Variants in MPDZ observed in about 807,000 individuals in gnomAD.
The protein encoded by MPDZ is multiple PDZ domain crumbs cell polarity complex component.
MPDZ carries 234 observed loss-of-function variants against 239.1 expected under a neutral mutation model. That is an observed-to-expected ratio of 0.98 (90% CI 0.88 to 1.09). MPDZ has a LOEUF of 1.09. Ranked by LOEUF, MPDZ falls within the 50% of genes least tolerant of loss-of-function variation. The probability of loss-of-function intolerance (pLI) is 0.00; values close to 1 mark genes in which losing one functional copy is unlikely to be tolerated. For missense variants in MPDZ, 3,175 were observed against 2,510.0 expected (o/e 1.26, Z -5.66); for synonymous variants, 1,048 against 881.3 (o/e 1.19, Z -3.35).
At chr9:13,255,238 T>C (rs1290786126) in intron 1 of MPDZ, among the ~76,000 whole-genome samples, 1 of 152,192 alleles carries the variant, frequency 6.6e-6, no homozygotes, top group Non-Finnish European at 1.5e-5. Flanking sequence ...TCAGACTCCA[T>C]TTGAAATTCT....
At chr9:13,265,433 G>GT (rs2138972863) in intron 1 of MPDZ, among the ~76,000 whole-genome samples, 1 of 152,316 alleles carries the variant, frequency 6.6e-6, no homozygotes, top group Non-Finnish European at 1.5e-5. Flanking sequence ...GCCAGGTGTG[G>GT]TGGCGCATGC....
intron 2 of MPDZ, among the ~76,000 whole-genome samples, chr9:13,250,008 A>G (rs759621719): frequency 6.6e-6 from 1 of 152,214 alleles, no homozygotes; most frequent in Non-Finnish European, 1.5e-5. Flanking sequence ...AACCAGAATT[A>G]GGCTCATAAA....
intron 10 of MPDZ, among the ~76,000 whole-genome samples, chr9:13,207,124 A>G (rs975340784): frequency 6.6e-5 from 10 of 152,292 alleles, no homozygotes; most frequent in African/African-American, 1.9e-4. Flanking sequence ...ACAAGGTCAT[A>G]TTTATATGGC....
intron 23 of MPDZ, among the ~76,000 whole-genome samples, chr9:13,159,728 A>C (rs1190755362): frequency 2.6e-5 from 4 of 152,162 alleles, no homozygotes; most frequent in Non-Finnish European, 4.4e-5. Context: ...AGGTACAAGA[A>C]GATAAATATC....
At chr9:13,234,217 A>C (rs1255651489) in intron 3 of MPDZ, among the ~76,000 whole-genome samples, 1 of 152,076 alleles carries the variant, frequency 6.6e-6, no homozygotes, top group Non-Finnish European at 1.5e-5. Flanking sequence ...TAATATTTTG[A>C]CCATATAACA....
intron 26 of MPDZ, among the ~76,000 whole-genome samples, chr9:13,145,819 G>C (rs916372411): frequency 6.6e-6 from 1 of 151,816 alleles, no homozygotes; most frequent in Non-Finnish European, 1.5e-5. Flanking sequence ...GCCTGACATT[G>C]AAAGGAATAT....
intron 28 of MPDZ, among the ~76,000 whole-genome samples, chr9:13,138,435 T>C (rs1318666446): frequency 2.6e-5 from 4 of 152,154 alleles, no homozygotes; most frequent in Non-Finnish European, 5.9e-5. Context: ...TAATTCATTT[T>C]ACAAACTCTC....
chr9:13,197,567 G>C (rs1174133144), intron 12 of MPDZ, among the ~76,000 whole-genome samples: 1 of 152,002 alleles, frequency 6.6e-6, no homozygotes, highest in Non-Finnish European at 1.5e-5. Context: ...CAGATAATTA[G>C]GATATCCATT....
At chr9:13,247,266 T>C (rs1185115463) in intron 3 of MPDZ, among the ~76,000 whole-genome samples, 2 of 152,214 alleles carry the variant, frequency 1.3e-5, no homozygotes, top group African/African-American at 2.4e-5. Context: ...CTTGTAAGTA[T>C]ACTGAATGTC....
intron 25 of MPDZ, 45 bp from the exon 26 acceptor site, chr9:13,147,703 C>T (rs1329524531): frequency 3.4e-6 from 5 of 1,459,702 alleles, no homozygotes; most frequent in Non-Finnish European, 4.8e-6. Flanking sequence ...ATCTATAGAA[C>T]AACAAAAAAA....
chr9:13,259,333 C>T (rs1259309896), intron 1 of MPDZ, among the ~76,000 whole-genome samples: 2 of 151,544 alleles, frequency 1.3e-5, no homozygotes, highest in African/African-American at 2.4e-5. Context: ...GAGTCTGTCT[C>T]GGAAAACAAA....
chr9:13,206,545 C>A (rs1957016655), intron 10 of MPDZ, among the ~76,000 whole-genome samples: 1 of 151,868 alleles, frequency 6.6e-6, no homozygotes, highest in Middle Eastern at 3.4e-3. Flanking sequence ...CACACCACCA[C>A]ACGTGGCTAT....
At chr9:13,261,864 CTA>C (rs1394506180) in intron 1 of MPDZ, among the ~76,000 whole-genome samples, 1 of 22,894 alleles carries the variant, frequency 4.4e-5, no homozygotes, top group Non-Finnish European at 1.1e-4. Context: ...AGACCTGTCT[CTA>C]CAAAAAAAAA....
rs369745803 is a variant in MPDZ at position 13,221,422 on chromosome 9, C to T, written c.826G>A (p.Ala276Thr). 1.9e-6 allele frequency: 3 copies of T among 1,611,242 alleles called. No individual in the cohort carries two copies. The highest frequency in any genetic ancestry group is 2.7e-5 in the African/African-American group (2 of 74,732). The change falls in exon 7 of 47, where the codon GCA becomes ACA. Residue 276 changes from alanine to threonine, a missense_variant. Coordinates refer to ENST00000319217, the MANE Select transcript of MPDZ (RefSeq NM_001378778.1). ...GLGFGIIGGK[A>T]TGVIVKTILP... is the part of the protein sequence containing the mutation. ...ATGGTTTTTACTATCACACCAGTTG[C>T]TTTTCCTCCTATGATGCCAAATCCC...
intron 17 of MPDZ, 48 bp downstream of exon 17, chr9:13,188,736 C>A: frequency 6.5e-7 from 1 of 1,544,718 alleles, no homozygotes; most frequent in South Asian, 1.2e-5. Context: ...ACCTATGAAC[C>A]ATTTTGCTTA....
At chr9:13,229,856 G>T (rs1961847890) in intron 3 of MPDZ, among the ~76,000 whole-genome samples, 1 of 152,080 alleles carries the variant, frequency 6.6e-6, no homozygotes, top group African/African-American at 2.4e-5. Flanking sequence ...GGTAAATAAA[G>T]TTGAAGTGTT....
chr9:13,240,580 T>TAAAAAAAAAAAAAA (rs71331533), intron 3 of MPDZ, among the ~76,000 whole-genome samples: 17 of 44,020 alleles, frequency 3.9e-4, no homozygotes, highest in African/African-American at 8.2e-4. Flanking sequence ...ATAATAAAAG[T>TAAAAAAAAAAAAAA]AAAAAAAAAA....
chr9:13,250,211 C>T (rs777336941), intron 2 of MPDZ, 89 bp downstream of exon 2: 3 of 1,241,060 alleles, frequency 2.4e-6, no homozygotes, highest in East Asian at 2.5e-5. Flanking sequence ...TAGACAGAAT[C>T]CTGCTATGTT....
Position 13,278,247 on chromosome 9 carries a change from T to C in MPDZ, c.-58+1153A>G, listed in dbSNP as rs1015681266. 2.6e-5 allele frequency among the ~76,000 whole-genome samples: 4 copies of C among 152,270 alleles called. No individual in the cohort carries two copies. The East Asian group carries it at 5.8e-4, about 22-fold the overall frequency. On this transcript the variant is annotated intron_variant, in intron 1 of 46. Coordinates refer to ENST00000319217, the MANE Select transcript of MPDZ (RefSeq NM_001378778.1). Reference sequence around the variant, plus strand: ...AGTCATGGTCCTCTTATCTATCTGATGATACCTAGGAAACACTAGCCTCCA... The same window carrying C: ...AGTCATGGTCCTCTTATCTATCTGACGATACCTAGGAAACACTAGCCTCCA...
Sources: gnomAD v4.1 joint callset for allele counts (sites outside exome capture counted in the v4.1 genomes callset) on GRCh38, gnomAD v4.1.1 for gene constraint, MANE v1.5 for transcripts, NCBI Gene and HGNC (gene_info 2026-07-23, HGNC 2026-07-21) for gene names.